The following RERE variants were observed in gnomAD, a reference collection of about 807,000 sequenced individuals.
RERE encodes arginine-glutamic acid dipeptide repeats.
A neutral mutation model predicts 146.1 loss-of-function variants in RERE; 40 were observed. The ratio of observed to expected loss-of-function variants is 0.27; its 90% CI spans 0.21 to 0.36. The LOEUF (loss-of-function observed/expected upper bound fraction) is 0.36. RERE is among the 10% of genes least tolerant of loss of function. The probability of loss-of-function intolerance (pLI) is 1.00; values close to 1 mark genes in which losing one functional copy is unlikely to be tolerated. For missense variants in RERE, 1,933 were observed against 2,138.7 expected, an observed-to-expected ratio of 0.90 and a Z score of 1.90; for synonymous variants, 1,003 against 866.0, an observed-to-expected ratio of 1.16 and a Z score of -2.78.
intron 7 of RERE, among the ~76,000 whole-genome samples, chr1:8,524,062 T>C (rs1051717082): frequency 2.0e-5 from 3 of 152,188 alleles, no homozygotes; most frequent in African/African-American, 7.2e-5. Context: ...CTCTCGTCTA[T>C]TGAAGGGATA....
Position 8,490,145 on chromosome 1 carries a change from G to A in RERE, c.1104+4918C>T, listed in dbSNP as rs868121957. Among the ~76,000 whole-genome samples the A allele has an allele frequency of 2.0e-5, 3 of 151,280 alleles. No individual in the cohort carries two copies. In the South Asian group the frequency reaches 6.2e-4, roughly 32 times the overall value. On this transcript the variant is annotated intron_variant, in intron 10 of 22. Coordinates refer to ENST00000400908, the MANE Select transcript of RERE (RefSeq NM_001042681.2). ...TGGGAGGCCAAGGCGGGCGGATCACGAGGTCAAGAGGTCAAGACCATCCTG... is the reference window on the plus strand; with the variant it reads ...TGGGAGGCCAAGGCGGGCGGATCACAAGGTCAAGAGGTCAAGACCATCCTG...
At chr1:8,711,892 G>GT (rs1639674684) in intron 1 of RERE, among the ~76,000 whole-genome samples, 1 of 152,160 alleles carries the variant, frequency 6.6e-6, no homozygotes, top group Admixed American at 6.5e-5. Flanking sequence ...ATTAGGACAT[G>GT]TTTTCTCTAG....
chr1:8,357,236 T>A (rs1294054954), intron 20 of RERE, among the ~76,000 whole-genome samples: 1 of 152,258 alleles, frequency 6.6e-6, no homozygotes. Context: ...ACTTGCTGAA[T>A]GAATGATGCA....
chr1:8,386,403 G>A (rs1642682757), intron 12 of RERE, among the ~76,000 whole-genome samples: 2 of 150,874 alleles, frequency 1.3e-5, no homozygotes, highest in African/African-American at 4.9e-5. Flanking sequence ...GATCCTATGA[G>A]CTTGTGTGGC....
chr1:8,760,934 G>A (rs918354152), intron 1 of RERE, among the ~76,000 whole-genome samples: 1 of 152,084 alleles, frequency 6.6e-6, no homozygotes, highest in Non-Finnish European at 1.5e-5. Context: ...TCCCACTAAT[G>A]TATAAACAAC....
At chr1:8,566,741 A>T (rs1180003448) in intron 4 of RERE, among the ~76,000 whole-genome samples, 2 of 152,148 alleles carry the variant, frequency 1.3e-5, no homozygotes, top group Non-Finnish European at 2.9e-5. Context: ...CTACTGGTAC[A>T]TCCAATATAT....
intron 1 of RERE, among the ~76,000 whole-genome samples, chr1:8,704,824 G>GC (rs1639525453): frequency 6.6e-6 from 1 of 152,170 alleles, no homozygotes; most frequent in Non-Finnish European, 1.5e-5. Context: ...TAATGTCTTT[G>GC]CCCCCCTGAA....
At chr1:8,799,455 G>C (rs1355652081) in intron 1 of RERE, 3 of 199,486 alleles carry the variant, frequency 1.5e-5, no homozygotes, top group Non-Finnish European at 3.2e-5. Flanking sequence ...AGTTCAAAGA[G>C]AGGTACAAGA....
intron 11 of RERE, among the ~76,000 whole-genome samples, chr1:8,462,051 G>A (rs1644534192): frequency 6.6e-6 from 1 of 152,100 alleles, no homozygotes; most frequent in Non-Finnish European, 1.5e-5. Flanking sequence ...ACAAGGTCTT[G>A]CTGTGTTGAC....
chr1:8,491,612 T>C (rs994434083), intron 10 of RERE, among the ~76,000 whole-genome samples: 2 of 152,106 alleles, frequency 1.3e-5, no homozygotes, highest in African/African-American at 2.4e-5. Context: ...AGCAAGATCC[T>C]GCCTCAAACA....
chr1:8,606,626 T>C lies in RERE; in HGVS notation c.522+7935A>G, dbSNP rs1646713122. On this transcript the variant is annotated intron_variant, in intron 4 of 22. Coordinates refer to ENST00000400908, the MANE Select transcript of RERE (RefSeq NM_001042681.2). ...GGATGAGGAGGGAAAAGCCAAAAGG[T>C]GGGAGGAATAGAGTAACAAACTTTT... Among the ~76,000 whole-genome samples the C allele has an allele frequency of 2.0e-5, 3 of 152,124 alleles. No homozygotes were observed. In the South Asian group the frequency reaches 6.2e-4, roughly 32 times the overall value.
chr1:8,804,031 T>C (rs1641638561), intron 1 of RERE, among the ~76,000 whole-genome samples: 1 of 152,218 alleles, frequency 6.6e-6, no homozygotes. Context: ...ATGAAAACTT[T>C]TCTCAATATA....
At chr1:8,810,709 G>A (rs761850835) in intron 1 of RERE, among the ~76,000 whole-genome samples, 1 of 152,166 alleles carries the variant, frequency 6.6e-6, no homozygotes, top group African/African-American at 2.4e-5. Flanking sequence ...AGTATCTCAT[G>A]AGAAAGAAAC....
At chr1:8,697,918 G>C (rs992064571) in intron 1 of RERE, among the ~76,000 whole-genome samples, 4 of 151,852 alleles carry the variant, frequency 2.6e-5, no homozygotes, top group African/African-American at 9.7e-5. Context: ...TGAAAGGCCT[G>C]TCTTTTTTTG....
intron 8 of RERE, among the ~76,000 whole-genome samples, chr1:8,503,091 TAAA>T (rs546130458): frequency 3.7e-4 from 33 of 88,498 alleles, no homozygotes; most frequent in African/African-American, 1.6e-3. Flanking sequence ...CAATTAAAAA[TAAA>T]TAAATAAATA....
At chr1:8,672,223 C>T (rs983085412) in intron 1 of RERE, among the ~76,000 whole-genome samples, 9 of 152,162 alleles carry the variant, frequency 5.9e-5, no homozygotes, top group Non-Finnish European at 1.3e-4. Context: ...ACCCAGGCTG[C>T]GATGCCAAGG....
chr1:8,536,384 G>A (rs769711740), intron 7 of RERE, among the ~76,000 whole-genome samples: 4 of 152,128 alleles, frequency 2.6e-5, no homozygotes, highest in African/African-American at 7.2e-5. Context: ...GGATCAAGCC[G>A]TCAGATTAAA....
At chr1:8,613,791 T>C (rs1401687656) in intron 4 of RERE, among the ~76,000 whole-genome samples, 1 of 152,050 alleles carries the variant, frequency 6.6e-6, no homozygotes, top group African/African-American at 2.4e-5. Context: ...GAATAATAAA[T>C]ACTCGACTTT....
intron 4 of RERE, among the ~76,000 whole-genome samples, chr1:8,607,296 G>C (rs1646727208): frequency 6.6e-6 from 1 of 150,878 alleles, no homozygotes; most frequent in South Asian, 2.1e-4. Flanking sequence ...GGAGGTTGAG[G>C]CTGCAGTGAG....
Sources: allele counts gnomAD v4.1 joint callset (sites outside exome capture counted in the v4.1 genomes callset), GRCh38; gene constraint gnomAD v4.1.1; transcripts MANE v1.5; gene names NCBI Gene and HGNC (gene_info 2026-07-23, HGNC 2026-07-21).